Variants in TRIM42 observed in about 807,000 individuals in gnomAD.
TRIM42 encodes the protein tripartite motif-containing protein 42.
TRIM42 carries 59 observed loss-of-function variants against 64.9 expected under a neutral mutation model. The ratio of observed to expected loss-of-function variants is 0.91; its 90% CI spans 0.74 to 1.13. The LOEUF (loss-of-function observed/expected upper bound fraction) is 1.13. TRIM42 is among the 50% of genes most tolerant of loss of function. The pLI is 0.00. For missense variants in TRIM42, 878 were observed against 929.5 expected (o/e 0.94, Z 0.72); for synonymous variants, 354 against 346.3 (o/e 1.02, Z -0.25).
chr3:140,686,939 T>C (rs1169970603), intron 2 of TRIM42, among the ~76,000 whole-genome samples: 8 of 152,190 alleles, frequency 5.3e-5, no homozygotes, highest in Admixed American at 5.2e-4. Context: ...ATTCATACCT[T>C]GAGCACAGAT....
In TRIM42 at chr3:140,688,087, C is replaced by A; in HGVS notation, c.1405C>A (p.Leu469Met). 6.2e-7 allele frequency: 1 copy of A among 1,614,016 alleles called. No homozygotes were observed. The highest frequency in any genetic ancestry group is 2.2e-5 in the East Asian group (1 of 44,884). Residue 469 changes from leucine to methionine, a missense_variant, in exon 3 of 5, where the codon CTG becomes ATG. Transcript: ENST00000286349. ...CTACAGGCCTGACCCACAGCTCCGGCTGCACTCAATAAACTACGTGCCCTT... is the reference window on the plus strand; with the variant it reads ...CTACAGGCCTGACCCACAGCTCCGGATGCACTCAATAAACTACGTGCCCTT... ...TTYRPDPQLR[L>M]HSINYVPLDF... is the part of the protein sequence containing the mutation.
chr3:140,678,410 C>A lies in TRIM42; in HGVS notation c.181C>A (p.Pro61Thr). ...CTGCCACTGCACCTGTTCTGAGAGC[C>A]CCAACTGCCATTGGTGTTGCTGCTC... is the stretch of plus-strand genomic sequence containing the variant. ...QFCHCTCSES[P>T]NCHWCCCSWA... The change falls in exon 1 of 5, where the codon CCC becomes ACC. Residue 61 changes from proline to threonine, a missense_variant. Physicochemically the swap from Pro to Thr is conservative, Grantham distance 38. Transcript: ENST00000286349. 1.2e-6 allele frequency: 2 copies of A among 1,614,178 alleles called. No homozygotes were observed. The highest frequency in any genetic ancestry group is 8.5e-7 in the Non-Finnish European group (1 of 1,180,026).
chr3:140,700,845 C>T (rs1386934035), intron 4 of TRIM42, 43 bp from the exon 5 acceptor site: 1 of 1,576,506 alleles, frequency 6.3e-7, no homozygotes, highest in Admixed American at 1.7e-5. Flanking sequence ...CTACTGGGAG[C>T]TGTTGTCTAT....
At chr3:140,693,902 T>C (rs771416964) in intron 4 of TRIM42, among the ~76,000 whole-genome samples, 2 of 152,236 alleles carry the variant, frequency 1.3e-5, no homozygotes, top group African/African-American at 4.8e-5. Flanking sequence ...GTATATTCAT[T>C]ATCACTAATC....
rs751733894 is a variant in TRIM42, at chr3:140,700,874, G to C, written c.2086-14G>C. 6.2e-7 allele frequency: 1 copy of C among 1,613,648 alleles called. No individual in the cohort carries two copies. The highest frequency in any genetic ancestry group is 8.5e-7 in the Non-Finnish European group (1 of 1,179,640). On this transcript the variant is annotated splice_polypyrimidine_tract_variant and intron_variant, in intron 4 of 4. Coordinates refer to ENST00000286349, the MANE Select transcript of TRIM42 (RefSeq NM_152616.5). The stretch of plus-strand genomic sequence containing the variant: ...TGTCTATTGGGTGTCATGACTCTTC[G>C]CTTCTGATTGCAGGTGGTAACACCA...
chr3:140,694,952 A>C (rs1988812026), intron 4 of TRIM42, among the ~76,000 whole-genome samples: 1 of 152,150 alleles, frequency 6.6e-6, no homozygotes, highest in South Asian at 2.1e-4. Flanking sequence ...TCCCTACCTG[A>C]AGACCAGCTG....
rs745861203 is a variant in TRIM42 at position 140,688,286 on chromosome 3, G to A, written c.1604G>A (p.Arg535Gln). 20 of 1,614,056 alleles carry A rather than the reference G, an allele frequency of 1.2e-5. No individual in the cohort carries two copies. Among genetic ancestry groups the A allele is most frequent in the Admixed American group, 5.0e-5 (3 of 60,008 alleles). ...CTCGGCAACCAGCACATATACCAGC[G>A]AAGCTCCTCCATGTTGTCCTTCAGC... ...HSLGNQHIYQ[R>Q]SSSMLSFSNT... The change falls in exon 3 of 5, where the codon CGA becomes CAA. Residue 535 changes from arginine (R) to glutamine (Q), a missense_variant. Coordinates refer to ENST00000286349, the MANE Select transcript of TRIM42 (RefSeq NM_152616.5).
chr3:140,691,759 G>A (rs566336570), intron 4 of TRIM42, among the ~76,000 whole-genome samples: 3 of 152,170 alleles, frequency 2.0e-5, no homozygotes, highest in African/African-American at 7.2e-5. Flanking sequence ...AAAAAGAAAG[G>A]ACAAAGTTAT....
Position 140,683,075 on chromosome 3 carries a change from A to G in TRIM42, c.955A>G (p.Asn319Asp), listed in dbSNP as rs772697187. The change falls in exon 2 of 5, where the codon AAT (asparagine) becomes GAT (aspartate). Residue 319 changes from asparagine to aspartate, a missense_variant. By Grantham distance (23) the Asn-to-Asp change is conservative. Coordinates refer to ENST00000286349, the MANE Select transcript of TRIM42 (RefSeq NM_152616.5). ...CACCTTCTGCAAGTTCTCTTTCCACAATGGCCACGACACCATTAGCCTCAT... is the reference window on the plus strand; with the variant it reads ...CACCTTCTGCAAGTTCTCTTTCCACGATGGCCACGACACCATTAGCCTCAT... ...LCTFCKFSFHNGHDTISLIDA... is the reference protein window; with the variant it reads ...LCTFCKFSFHDGHDTISLIDA... 6.2e-7 allele frequency: 1 copy of G among 1,614,136 alleles called. No individual in the cohort carries two copies. Among genetic ancestry groups the G allele is most frequent in the Non-Finnish European group, 8.5e-7 (1 of 1,180,028 alleles).
intron 4 of TRIM42, among the ~76,000 whole-genome samples, chr3:140,695,965 T>C (rs193141792): frequency 1.3e-5 from 2 of 152,344 alleles, no homozygotes; most frequent in East Asian, 1.9e-4. Flanking sequence ...TGACCTTTCA[T>C]GTAAGCAGAA....
chr3:140,691,120 C>A lies in TRIM42; in HGVS notation c.2013C>A (p.Pro671=), dbSNP rs1406814718. ...QQNLELHNLT[P]NTEYVFKVRA... ...ATCTGGAGCTGCACAACCTGACCCC[C>A]AACACAGAATACGTGTTTAAAGTTA... The change falls in exon 4 of 5, where the codon CCC becomes CCA. Residue 671 remains proline (P), a synonymous_variant. Transcript: ENST00000286349. The A allele has an allele frequency of 3.7e-6, 6 of 1,614,068 alleles. No homozygotes were observed. The highest frequency in any genetic ancestry group is 4.2e-6 in the Non-Finnish European group (5 of 1,180,006).
chr3:140,686,232 G>A (rs755754367), intron 2 of TRIM42, among the ~76,000 whole-genome samples: 12 of 152,286 alleles, frequency 7.9e-5, no homozygotes, highest in Non-Finnish European at 1.0e-4. Context: ...AAAATAATGC[G>A]CAAAGTAGAA....
At chr3:140,687,546 G>A (rs1988576392) in intron 2 of TRIM42, among the ~76,000 whole-genome samples, 176 bp from the exon 3 acceptor site, 1 of 152,154 alleles carries the variant, frequency 6.6e-6, no homozygotes, top group East Asian at 1.9e-4. Context: ...GTGTACTAAG[G>A]AGGACCAAAT....
chr3:140,688,465 T>A lies in TRIM42; in HGVS notation c.1783T>A (p.Ser595Thr). 1 of 1,614,178 alleles carries A rather than the reference T, an allele frequency of 6.2e-7. No homozygotes were observed. ...QNSSSFHNWY[S>T]FNDGSVKTPG... The stretch of plus-strand genomic sequence containing the variant: ...CAGCAGCAGCTTCCACAACTGGTAC[T>A]CATTCAACGATGGCTCTGTGAAGAC... Residue 595 changes from serine to threonine, a missense_variant, in exon 3 of 5, where the codon TCA (serine) becomes ACA (threonine). By Grantham distance (58) the Ser-to-Thr change is moderately conservative. Transcript: ENST00000286349.
At chr3:140,678,609 A>G (rs1239610137) in intron 1 of TRIM42, 39 bp downstream of exon 1, 1 of 1,555,784 alleles carries the variant, frequency 6.4e-7, no homozygotes, top group Non-Finnish European at 8.8e-7. Context: ...GCATTGGGTC[A>G]TGAAAACTAG....
At chr3:140,682,223 A>G (rs1005465213) in intron 1 of TRIM42, among the ~76,000 whole-genome samples, 1 of 152,204 alleles carries the variant, frequency 6.6e-6, no homozygotes, top group African/African-American at 2.4e-5. Context: ...AAACTCTATG[A>G]CATAGGTACT....
intron 4 of TRIM42, among the ~76,000 whole-genome samples, chr3:140,692,631 C>G (rs1463308783): frequency 1.3e-5 from 2 of 151,724 alleles, no homozygotes; most frequent in African/African-American, 4.8e-5. Flanking sequence ...ATGGGGAAGC[C>G]TGCTAGCCAC....
In TRIM42 at chr3:140,692,562, C is replaced by G. The variant is rs1372394; in HGVS notation, c.2085+1370C>G. 8.0e-3 allele frequency among the ~76,000 whole-genome samples: 916 copies of G among 114,094 alleles called. 16 individuals are homozygous for G. Among genetic ancestry groups the G allele is most frequent in the African/African-American group, 0.019 (631 of 34,104 alleles). 74.9% of individuals were successfully genotyped at this position (114,094 alleles called of 152,430 possible). ...ACACACACACACACACACACACACA[C>G]AGAGAGAGATAGAGAGAGAGAGAGA... On this transcript the variant is annotated intron_variant, in intron 4 of 4. Transcript: ENST00000286349.
chr3:140,696,611 C>T (rs1047061642), intron 4 of TRIM42, among the ~76,000 whole-genome samples: 3 of 152,214 alleles, frequency 2.0e-5, no homozygotes, highest in African/African-American at 7.2e-5. Context: ...TTGCACAGTT[C>T]TTGAGGCTGG....
Sources: gnomAD v4.1 joint callset for allele counts (sites outside exome capture counted in the v4.1 genomes callset) on GRCh38, gnomAD v4.1.1 for gene constraint, MANE v1.5 for transcripts, NCBI Gene and HGNC (gene_info 2026-07-23, HGNC 2026-07-21) for gene names.